Variants in MRPL30 observed in about 807,000 individuals in gnomAD.
MRPL30 encodes large ribosomal subunit protein uL30m.
MRPL30 carries 10 observed loss-of-function variants against 17.2 expected under a neutral mutation model. The observed-to-expected ratio is 0.58, with a 90% CI of 0.36 to 0.99. MRPL30 has a LOEUF of 0.99. Among genes scored for constraint, MRPL30 ranks in the 50% least tolerant of loss-of-function variants. The pLI, the probability that MRPL30 is intolerant of heterozygous loss-of-function variation, is 0.01. For synonymous variants in MRPL30, 61 were observed against 62.1 expected, an observed-to-expected ratio of 0.98 and a Z score of 0.08; for missense variants, 170 against 189.8, an observed-to-expected ratio of 0.90 and a Z score of 0.61.
intron 1 of MRPL30, among the ~76,000 whole-genome samples, chr2:99,183,410 A>AATACAAAAATTAGCTGCC (rs2093929005): frequency 6.6e-6 from 1 of 152,090 alleles, no homozygotes; most frequent in Non-Finnish European, 1.5e-5. Context: ...CTCCACTAAA[A>AATACAAAAATTAGCTGCC]ATACAAAAAT....
chr2:99,188,588 A>G (rs1354577973), intron 3 of MRPL30, among the ~76,000 whole-genome samples: 1 of 152,002 alleles, frequency 6.6e-6, no homozygotes, highest in Non-Finnish European at 1.5e-5. Context: ...GTCACTCTTC[A>G]TTTTCACTTT....
At position 99,198,632 on chromosome 2, in the gene MRPL30, C is replaced by T. The variant is rs2093958788; in HGVS notation, c.*2927C>T. 6.6e-6 allele frequency among the ~76,000 whole-genome samples: 1 copy of T among 152,168 alleles called. No individual in the cohort carries two copies. Among genetic ancestry groups the T allele is most frequent in the African/African-American group, 2.4e-5 (1 of 41,430 alleles). ...GCCTCCTTAAAGTCCCCCAGCCAAA[C>T]CTGAAAAGTCAATCCTGGACCTTAT... On this transcript the variant is annotated 3_prime_UTR_variant, in exon 6 of 6. Coordinates refer to ENST00000338148, the MANE Select transcript of MRPL30 (RefSeq NM_145212.4).
intron 3 of MRPL30, among the ~76,000 whole-genome samples, chr2:99,193,951 T>C (rs1007107398): frequency 6.6e-6 from 1 of 150,460 alleles, no homozygotes; most frequent in Non-Finnish European, 1.5e-5. Context: ...AGCAAGAGAA[T>C]CGCTTGAACC....
rs1194274438 is a variant in MRPL30, at chr2:99,199,513, A to G, written c.*3808A>G. On this transcript the variant is annotated 3_prime_UTR_variant, in exon 6 of 6. Transcript: ENST00000338148. Reference sequence around the variant, plus strand: ...TTTTGCCTCAAAATTATTAAATGACATGAAATAAGTGCTCAAGAAGAAAAA... The same window carrying G: ...TTTTGCCTCAAAATTATTAAATGACGTGAAATAAGTGCTCAAGAAGAAAAA... Among the ~76,000 whole-genome samples the G allele has an allele frequency of 6.6e-6, 1 of 152,230 alleles. No individual in the cohort carries two copies. Among genetic ancestry groups the G allele is most frequent in the Non-Finnish European group, 1.5e-5 (1 of 68,036 alleles).
intron 3 of MRPL30, among the ~76,000 whole-genome samples, chr2:99,190,982 A>G (rs2093944310): frequency 6.6e-6 from 1 of 152,076 alleles, no homozygotes; most frequent in Non-Finnish European, 1.5e-5. Context: ...AAAACCTTTA[A>G]ACCTCATGAA....
intron 1 of MRPL30, among the ~76,000 whole-genome samples, chr2:99,183,649 T>C (rs2093929509): frequency 6.6e-6 from 1 of 152,234 alleles, no homozygotes; most frequent in African/African-American, 2.4e-5. Flanking sequence ...AAATAAACTT[T>C]ATTTTTGAAT....
At chr2:99,192,745 A>G (rs2093948993) in intron 3 of MRPL30, among the ~76,000 whole-genome samples, 1 of 152,244 alleles carries the variant, frequency 6.6e-6, no homozygotes, top group Non-Finnish European at 1.5e-5. Context: ...CTTTGGGTAT[A>G]TACCCAGTAA....
Position 99,194,755 on chromosome 2 carries a change from T to G in MRPL30, c.137T>G (p.Phe46Cys). 1 of 1,580,258 alleles carries G rather than the reference T, an allele frequency of 6.3e-7. No individual in the cohort carries two copies. Among genetic ancestry groups the G allele is most frequent in the Non-Finnish European group, 8.5e-7 (1 of 1,170,900 alleles). ...TTATAATTCTTTCCTTTCTAGGTGT[T>G]TCAGGCCTCACCTGAAGATCATGAA... ...FTRSRIPEKV[F>C]QASPEDHEKY... Residue 46 changes from phenylalanine (F) to cysteine (C), a missense_variant, in exon 4 of 6, where the codon TTT (phenylalanine) becomes TGT (cysteine). Physicochemically the swap from Phe to Cys is radical, Grantham distance 205. Coordinates refer to ENST00000338148, the MANE Select transcript of MRPL30 (RefSeq NM_145212.4).
At position 99,196,069 on chromosome 2, in the gene MRPL30, A is replaced by C. The variant is rs1396254912; in HGVS notation, c.*364A>C. 1 of 206,100 alleles carries C rather than the reference A, an allele frequency of 4.9e-6. No individual in the cohort carries two copies. The highest frequency in any genetic ancestry group is 9.8e-6 in the Non-Finnish European group (1 of 102,196). The allele number at this position is 206,100 out of a possible 1,614,324, so 12.8% of individuals were successfully genotyped here. On this transcript the variant is annotated 3_prime_UTR_variant, in exon 6 of 6. Transcript: ENST00000338148. ...GTACTCCAGCCTGGGTGATAGGATG[A>C]GACTCCATCTCAGGGGAAAAAAAAA...
chr2:99,196,444 G>A lies in MRPL30; in HGVS notation c.*739G>A, dbSNP rs987853895. Reference sequence around the variant, plus strand: ...GCCTCCAGAGTAGCTAGGACTACAGGCAGTGTGCCACCACATCCAGCTAAT... The same window carrying A: ...GCCTCCAGAGTAGCTAGGACTACAGACAGTGTGCCACCACATCCAGCTAAT... On this transcript the variant is annotated 3_prime_UTR_variant, in exon 6 of 6. Coordinates refer to ENST00000338148, the MANE Select transcript of MRPL30 (RefSeq NM_145212.4). The A allele has an allele frequency of 2.0e-5, 3 of 152,184 alleles. No homozygotes were observed. Among genetic ancestry groups the A allele is most frequent in the Admixed American group, 2.0e-4 (3 of 15,252 alleles). 9.4% of individuals were successfully genotyped at this position (152,184 alleles called of 1,614,324 possible).
rs985925691 is a variant in MRPL30 at position 99,193,861 on chromosome 2, A to AC, written c.133-885dup. On this transcript the variant is annotated intron_variant, in intron 3 of 5. Transcript: ENST00000338148. ...AGACCAGCCTGGCCAACATGGTGAG[A>AC]CCCCCATCTCTACCAAAAATAGAAA... Among the ~76,000 whole-genome samples the AC allele has an allele frequency of 9.2e-5, 14 of 151,854 alleles. No individual in the cohort carries two copies. In the East Asian group the frequency reaches 1.9e-3, roughly 21 times the overall value.
At chr2:99,187,695 G>C (rs957406928) in intron 2 of MRPL30, among the ~76,000 whole-genome samples, 1 of 152,114 alleles carries the variant, frequency 6.6e-6, no homozygotes, top group African/African-American at 2.4e-5. Context: ...GGACGTGGTG[G>C]TGGGCGCCTG....
chr2:99,192,699 T>C (rs999777888), intron 3 of MRPL30, among the ~76,000 whole-genome samples: 3 of 152,254 alleles, frequency 2.0e-5, no homozygotes, highest in Non-Finnish European at 4.4e-5. Context: ...TAAACATACA[T>C]GTGCATGTGT....
At chr2:99,194,996 A>C (rs1205187819) in intron 4 of MRPL30, 99 bp downstream of exon 4, 1 of 1,353,920 alleles carries the variant, frequency 7.4e-7, no homozygotes. Flanking sequence ...ATTTTGTATT[A>C]CTTAGGGTAA....
At position 99,188,157 on chromosome 2, in the gene MRPL30, T is replaced by C; in HGVS notation, c.52-20T>C. The C allele has an allele frequency of 6.5e-7, 1 of 1,539,240 alleles. No homozygotes were observed. The highest frequency in any genetic ancestry group is 8.8e-7 in the Non-Finnish European group (1 of 1,136,256). On this transcript the variant is annotated intron_variant, in intron 2 of 5. Coordinates refer to ENST00000338148, the MANE Select transcript of MRPL30 (RefSeq NM_145212.4). ...TACTGACAGAATTCTAAAAAACAAATGATTTATATCATATTTTAGACTGTG... is the reference window on the plus strand; with the variant it reads ...TACTGACAGAATTCTAAAAAACAAACGATTTATATCATATTTTAGACTGTG...
chr2:99,191,293 C>G (rs2093945366), intron 3 of MRPL30, among the ~76,000 whole-genome samples: 1 of 152,176 alleles, frequency 6.6e-6, no homozygotes, highest in Non-Finnish European at 1.5e-5. Context: ...GCGTGAGCAA[C>G]CACGCCTGGC....
intron 2 of MRPL30, among the ~76,000 whole-genome samples, chr2:99,186,584 G>A (rs1356036941): frequency 2.6e-5 from 4 of 152,020 alleles, no homozygotes; most frequent in Non-Finnish European, 5.9e-5. Context: ...CACCTGCCCC[G>A]GCCACCCAAA....
chr2:99,185,822 T>C (rs1173731429), intron 1 of MRPL30: 2 of 444,942 alleles, frequency 4.5e-6, no homozygotes, highest in South Asian at 1.6e-5. Flanking sequence ...ATTATAGGAG[T>C]TGGAATTTCT....
At chr2:99,192,437 C>T (rs1369737205) in intron 3 of MRPL30, among the ~76,000 whole-genome samples, 1 of 152,288 alleles carries the variant, frequency 6.6e-6, no homozygotes, top group African/African-American at 2.4e-5. Context: ...CCCGACTCCC[C>T]GTGTGTTCTC....
Sources: gnomAD v4.1 joint callset for allele counts (sites outside exome capture counted in the v4.1 genomes callset) on GRCh38, gnomAD v4.1.1 for gene constraint, MANE v1.5 for transcripts, NCBI Gene and HGNC (gene_info 2026-07-23, HGNC 2026-07-21) for gene names.